Variants in CREM observed in about 807,000 individuals in gnomAD.
The protein encoded by CREM is cAMP-responsive element modulator.
Under a neutral mutation model 37.3 loss-of-function variants are expected in CREM, and 13 were observed. The observed-to-expected ratio is 0.35, with a 90% CI of 0.23 to 0.55. The LOEUF is 0.55. Among genes scored for constraint, CREM ranks in the 20% least tolerant of loss-of-function variants. The pLI is 0.88. For missense variants in CREM, 296 were observed against 362.3 expected, an observed-to-expected ratio of 0.82 and a Z score of 1.49; for synonymous variants, 124 against 120.2, an observed-to-expected ratio of 1.03 and a Z score of -0.21.
At position 35,188,213 on chromosome 10, in the gene CREM, A is replaced by G. The variant is rs2094738196; in HGVS notation, c.423A>G (p.Gln141=). Residue 141 remains glutamine (Q), a synonymous_variant, in exon 6 of 8, where the codon CAA becomes CAG. Coordinates refer to ENST00000685392, the MANE Select transcript of CREM (RefSeq NM_183011.2). The part of the protein sequence containing the change: ...TSTGQYIAIA[Q]GGTIQISNPG... Reference sequence around the variant, plus strand: ...TTTTCTGTTAAGTTGCTATAGCCCAAGGTGGAACAATCCAGATTTCTAACC... The same window carrying G: ...TTTTCTGTTAAGTTGCTATAGCCCAGGGTGGAACAATCCAGATTTCTAACC... 1 of 1,613,240 alleles carries G rather than the reference A, an allele frequency of 6.2e-7. No homozygotes were observed. Among genetic ancestry groups the G allele is most frequent in the Non-Finnish European group, 8.5e-7 (1 of 1,179,792 alleles).
At chr10:35,152,304 T>C (rs1308904609) in intron 3 of CREM, 1 of 152,260 alleles carries the variant, frequency 6.6e-6, no homozygotes, top group African/African-American at 2.4e-5. Context: ...AAGAATATAC[T>C]ATGAAAATCA....
intron 3 of CREM, among the ~76,000 whole-genome samples, chr10:35,176,897 C>T (rs975528938): frequency 2.6e-5 from 4 of 152,030 alleles, no homozygotes; most frequent in Non-Finnish European, 5.9e-5. Flanking sequence ...GGTTGTGATC[C>T]AGAGATGTAT....
At chr10:35,179,382 A>G (rs543268708) in intron 5 of CREM, 106 bp downstream of exon 5, 1 of 1,261,242 alleles carries the variant, frequency 7.9e-7, no homozygotes, top group Non-Finnish European at 1.1e-6. Flanking sequence ...TTTAAAATGC[A>G]TCATTAATAC....
intron 2 of CREM, among the ~76,000 whole-genome samples, chr10:35,141,129 T>A (rs1318307042): frequency 1.3e-5 from 2 of 152,224 alleles, no homozygotes; most frequent in African/African-American, 2.4e-5. Flanking sequence ...TATTTTTTAT[T>A]TTTTGAGACA....
At chr10:35,204,974 C>T (rs2095486454) in intron 6 of CREM, among the ~76,000 whole-genome samples, 1 of 151,964 alleles carries the variant, frequency 6.6e-6, no homozygotes, top group Admixed American at 6.6e-5. Context: ...CTGTGTTTTC[C>T]TCTTTTGATT....
At chr10:35,175,207 G>A (rs1174326603) in intron 3 of CREM, among the ~76,000 whole-genome samples, 2 of 152,192 alleles carry the variant, frequency 1.3e-5, no homozygotes, top group Admixed American at 1.3e-4. Flanking sequence ...CAGCACTTTG[G>A]GAGGCCAAGG....
intron 3 of CREM, among the ~76,000 whole-genome samples, chr10:35,159,315 A>G (rs550195404): frequency 3.9e-5 from 6 of 152,290 alleles, no homozygotes; most frequent in South Asian, 2.1e-4. Context: ...ACACTACCTG[A>G]CTTCAAAATA....
chr10:35,131,600 T>C (rs1011647568), intron 1 of CREM, among the ~76,000 whole-genome samples: 2 of 152,206 alleles, frequency 1.3e-5, no homozygotes, highest in Non-Finnish European at 2.9e-5. Context: ...ATGTTTTTAC[T>C]CTTAAAATTT....
chr10:35,153,544 C>G (rs765948412), intron 3 of CREM, among the ~76,000 whole-genome samples: 12 of 152,112 alleles, frequency 7.9e-5, no homozygotes, highest in Non-Finnish European at 1.5e-4. Context: ...TGTTCCTAGA[C>G]TCTTGGGAAT....
chr10:35,199,499 A>G (rs1184813364), intron 6 of CREM, among the ~76,000 whole-genome samples: 1 of 152,212 alleles, frequency 6.6e-6, no homozygotes, highest in Non-Finnish European at 1.5e-5. Flanking sequence ...CATGAATACC[A>G]ACTATAGAAA....
intron 2 of CREM, among the ~76,000 whole-genome samples, chr10:35,147,176 G>T (rs2092227820): frequency 6.8e-6 from 1 of 148,120 alleles, no homozygotes; most frequent in Non-Finnish European, 1.5e-5. Flanking sequence ...TCAGCCTCCC[G>T]AGTAGCTGGG....
chr10:35,155,647 A>T (rs2092853239), intron 3 of CREM, among the ~76,000 whole-genome samples: 1 of 147,996 alleles, frequency 6.8e-6, no homozygotes, highest in Non-Finnish European at 1.5e-5. Flanking sequence ...TTTTTTGTAG[A>T]GATGGGAGTC....
intron 3 of CREM, among the ~76,000 whole-genome samples, chr10:35,159,147 T>A (rs2093132630): frequency 6.6e-6 from 1 of 152,128 alleles, no homozygotes; most frequent in Non-Finnish European, 1.5e-5. Context: ...ACAATATTGG[T>A]ATAGTTGTTT....
At chr10:35,164,226 C>T (rs2093430477) in intron 3 of CREM, among the ~76,000 whole-genome samples, 1 of 152,186 alleles carries the variant, frequency 6.6e-6, no homozygotes, top group African/African-American at 2.4e-5. Flanking sequence ...GAAGCACAAG[C>T]ACAGAGTTTG....
chr10:35,158,570 TG>T, intron 3 of CREM: 1 of 164,250 alleles, frequency 6.1e-6, no homozygotes. Flanking sequence ...GATGAAGTCT[TG>T]AATAACCTCT....
At chr10:35,158,381 C>A in intron 3 of CREM, 1 of 257,852 alleles carries the variant, frequency 3.9e-6, no homozygotes, top group Non-Finnish European at 7.7e-6. Context: ...TTCCAAGGCC[C>A]ACAGGCAGAT....
At chr10:35,158,822 T>TG (rs2093105670) in intron 3 of CREM, among the ~76,000 whole-genome samples, 1 of 106,056 alleles carries the variant, frequency 9.4e-6, no homozygotes, top group African/African-American at 3.0e-5. Context: ...GTTTTGTTTG[T>TG]TTTTTTTTTT....
In CREM at chr10:35,212,789, T is replaced by TC. The variant is rs2095680641; in HGVS notation, c.*1394dup. ...CACAGGAATTTTAAAAACAAAAACA[T>TC]CCCAAGATTTTTTCATTTCAAAATG... On this transcript the variant is annotated 3_prime_UTR_variant, in exon 8 of 8. Transcript: ENST00000685392. The TC allele has an allele frequency of 6.5e-6, 1 of 152,704 alleles. No individual in the cohort carries two copies. Among genetic ancestry groups the TC allele is most frequent in the South Asian group, 2.1e-4 (1 of 4,826 alleles). 9.5% of individuals were successfully genotyped at this position (152,704 alleles called of 1,614,324 possible).
At chr10:35,201,349 G>A in intron 6 of CREM, 3 of 1,257,824 alleles carry the variant, frequency 2.4e-6, no homozygotes, top group Non-Finnish European at 1.1e-6. Context: ...ACTAACATTT[G>A]TGGAGTGCCT....
Sources: gnomAD v4.1 joint callset for allele counts (sites outside exome capture counted in the v4.1 genomes callset) on GRCh38, gnomAD v4.1.1 for gene constraint, MANE v1.5 for transcripts, NCBI Gene and HGNC (gene_info 2026-07-23, HGNC 2026-07-21) for gene names.